The following COL4A6 variants were observed in gnomAD, a reference collection of about 807,000 sequenced individuals.
The protein encoded by COL4A6 is collagen alpha-6(IV) chain.
A neutral mutation model predicts 126.7 loss-of-function variants in COL4A6; 59 were observed. The observed-to-expected ratio is 0.47, with a 90% CI of 0.38 to 0.58. The LOEUF is 0.58. Among genes scored for constraint, COL4A6 ranks in the 20% least tolerant of loss-of-function variants. The pLI is 0.00. For missense variants in COL4A6, 1,285 were observed against 1,337.3 expected (o/e 0.96, Z 0.61); for synonymous variants, 547 against 496.6 (o/e 1.10, Z -1.35).
intron 3 of COL4A6, among the ~76,000 whole-genome samples, chrX:108,234,145 C>T (rs949930505): frequency 8.9e-6 from 1 of 111,855 alleles, no homozygotes; most frequent in African/African-American, 3.3e-5. Context: ...ATGACTCCAT[C>T]TAATGCTCAT....
intron 8 of COL4A6, among the ~76,000 whole-genome samples, chrX:108,208,834 G>A (rs1358512581): frequency 9.0e-6 from 1 of 111,362 alleles, no homozygotes; most frequent in East Asian, 2.8e-4. Flanking sequence ...ATAAATGATA[G>A]TCTGAACATT....
At chrX:108,277,526 C>T (rs2037645788) in intron 3 of COL4A6, among the ~76,000 whole-genome samples, 1 of 112,570 alleles carries the variant, frequency 8.9e-6, no homozygotes, top group Non-Finnish European at 1.9e-5. Flanking sequence ...CTCAAGGAGG[C>T]CTGCCTGCCT....
intron 44 of COL4A6, 85 bp from the exon 45 acceptor site, chrX:108,157,345 G>T: frequency 6.3e-6 from 7 of 1,116,231 alleles, no homozygotes; most frequent in Non-Finnish European, 8.4e-6. Context: ...TGCTACAGGG[G>T]CACATGAGCT....
chrX:108,338,754 G>T (rs1333441319), intron 2 of COL4A6, among the ~76,000 whole-genome samples: 2 of 112,036 alleles, frequency 1.8e-5, no homozygotes, highest in African/African-American at 6.5e-5. Context: ...AGCTTTGTTT[G>T]GTCTGGCCCT....
Position 108,179,427 on chromosome X carries a change from G to C in COL4A6, c.2143C>G (p.Pro715Ala). The C allele has an allele frequency of 8.3e-7, 1 of 1,201,391 alleles. No homozygotes were observed. The highest frequency in any genetic ancestry group is 1.8e-5 in the South Asian group (1 of 55,359). ...CCAGGCAAGCCCTTCTCCCCACGAGGTCCAGGAAATCCTAAACGTAAAAAG... is the reference window on the plus strand; with the variant it reads ...CCAGGCAAGCCCTTCTCCCCACGAGCTCCAGGAAATCCTAAACGTAAAAAG... ...HLPELPGFPG[P>A]RGEKGLPGFP... The change falls in exon 26 of 45, where the codon CCT becomes GCT. Residue 715 changes from proline to alanine, a missense_variant. Physicochemically the swap from Pro to Ala is conservative, Grantham distance 27. Coordinates refer to ENST00000334504, the MANE Select transcript of COL4A6 (RefSeq NM_033641.4).
chrX:108,329,414 C>G (rs1377080713), intron 2 of COL4A6, among the ~76,000 whole-genome samples: 1 of 111,529 alleles, frequency 9.0e-6, no homozygotes, highest in Non-Finnish European at 1.9e-5. Context: ...ATCATCCAAT[C>G]ACAATGTAGG....
chrX:108,383,991 G>C (rs1283495769), intron 2 of COL4A6: 52 of 931,148 alleles, frequency 5.6e-5, no homozygotes, highest in Non-Finnish European at 6.9e-5. Context: ...ATGGGACTGA[G>C]TATGTATTTT....
intron 2 of COL4A6, among the ~76,000 whole-genome samples, chrX:108,360,709 T>G (rs1238652114): frequency 1.8e-5 from 2 of 109,855 alleles, no homozygotes; most frequent in Non-Finnish European, 3.8e-5. Flanking sequence ...GCTTTTTTTT[T>G]GTATTTTTAG....
Position 108,165,242 on chromosome X carries a change from G to T in COL4A6, c.3808+128C>A, listed in dbSNP as rs961524119. 2.4e-5 allele frequency: 18 copies of T among 757,272 alleles called. No individual in the cohort carries two copies. In the African/African-American group the frequency reaches 3.5e-4, roughly 15 times the overall value. 62.4% of individuals were successfully genotyped at this position (757,272 alleles called of 1,213,427 possible). Reference sequence around the variant, plus strand: ...CAAGTCCCCTGTGTCCCCACTCGGGGAGGGATGTGAAGCCAAACACGCCCA... The same window carrying T: ...CAAGTCCCCTGTGTCCCCACTCGGGTAGGGATGTGAAGCCAAACACGCCCA... On this transcript the variant is annotated intron_variant, in intron 38 of 44. Transcript: ENST00000334504.
Position 108,195,106 on chromosome X carries a change from TC to T in COL4A6, c.923del (p.Gly308GlufsTer44), listed in dbSNP as rs1202276182. ...PGPRGPMGSE[G>X]VQGPPGQQGK... Reference sequence around the variant, plus strand: ...CCTGTTGCCCTGGAGGGCCTTGGACTCCTTCTGAACCCATGGGACCCTGTAA... The same window carrying T: ...CCTGTTGCCCTGGAGGGCCTTGGACTCTTCTGAACCCATGGGACCCTGTAA... On this transcript the variant is annotated frameshift_variant, in exon 15 of 45. Coordinates refer to ENST00000334504, the MANE Select transcript of COL4A6 (RefSeq NM_033641.4). LOFTEE classifies it high-confidence loss of function. The T allele has an allele frequency of 8.3e-7, 1 of 1,206,766 alleles. No individual in the cohort carries two copies. Among genetic ancestry groups the T allele is most frequent in the South Asian group, 1.8e-5 (1 of 56,051 alleles).
At chrX:108,353,812 T>A (rs2039895006) in intron 2 of COL4A6, among the ~76,000 whole-genome samples, 1 of 111,986 alleles carries the variant, frequency 8.9e-6, no homozygotes, top group South Asian at 3.8e-4. Context: ...GGCTTAAGGG[T>A]TTGATTTTAT....
chrX:108,177,085 T>A, intron 27 of COL4A6, 74 bp from the exon 28 acceptor site: 1 of 976,859 alleles, frequency 1.0e-6, no homozygotes, highest in East Asian at 3.1e-5. Flanking sequence ...ACTGCCTATA[T>A]CATAGCTTCT....
At chrX:108,380,538 A>G (rs2040539925) in intron 2 of COL4A6, among the ~76,000 whole-genome samples, 2 of 112,133 alleles carry the variant, frequency 1.8e-5, no homozygotes, top group South Asian at 7.5e-4. Context: ...AACCTGTGGT[A>G]TTGATTAACT....
intron 3 of COL4A6, among the ~76,000 whole-genome samples, chrX:108,282,812 C>T (rs1293067699): frequency 9.1e-6 from 1 of 109,298 alleles, no homozygotes; most frequent in African/African-American, 3.3e-5. Flanking sequence ...GAATACTATG[C>T]AGCCATAAAA....
At chrX:108,269,479 C>A (rs896193590) in intron 3 of COL4A6, among the ~76,000 whole-genome samples, 1 of 111,352 alleles carries the variant, frequency 9.0e-6, no homozygotes, top group African/African-American at 3.3e-5. Context: ...TCTTTTCAAG[C>A]TAGATTTGAG....
intron 18 of COL4A6, 57 bp downstream of exon 18, chrX:108,192,416 G>C (rs759254320): frequency 6.8e-6 from 6 of 881,283 alleles, no homozygotes; most frequent in Non-Finnish European, 8.2e-6. Context: ...AGGGAATGCT[G>C]GGAACCACAG....
At chrX:108,189,082 C>A (rs2034958216) in intron 20 of COL4A6, among the ~76,000 whole-genome samples, 1 of 112,369 alleles carries the variant, frequency 8.9e-6, no homozygotes, top group Non-Finnish European at 1.9e-5. Context: ...ATAGGGATTT[C>A]AGCAAAGCAC....
chrX:108,170,520 C>T lies in COL4A6; in HGVS notation c.3493+89G>A, dbSNP rs2034266183. 4 of 754,070 alleles carry T rather than the reference C, an allele frequency of 5.3e-6. No individual in the cohort carries two copies. In the East Asian group the frequency reaches 1.3e-4, roughly 24 times the overall value. 62.1% of individuals were successfully genotyped at this position (754,070 alleles called of 1,213,427 possible). On this transcript the variant is annotated intron_variant, in intron 35 of 44. Coordinates refer to ENST00000334504, the MANE Select transcript of COL4A6 (RefSeq NM_033641.4). ...AATGACTCCTGTAGGCATGGCTTAACCCTAGCTAGTATCTTCTAAGATAAA... is the reference window on the plus strand; with the variant it reads ...AATGACTCCTGTAGGCATGGCTTAATCCTAGCTAGTATCTTCTAAGATAAA...
At chrX:108,206,269 G>A (rs190248482) in intron 9 of COL4A6, 23 of 478,872 alleles carry the variant, frequency 4.8e-5, no homozygotes, top group African/African-American at 4.7e-4. Flanking sequence ...TGCCATCCCT[G>A]GGCTATACTT....
Sources: gnomAD v4.1 joint callset for allele counts (sites outside exome capture counted in the v4.1 genomes callset) on GRCh38, gnomAD v4.1.1 for gene constraint, MANE v1.5 for transcripts, NCBI Gene and HGNC (gene_info 2026-07-23, HGNC 2026-07-21) for gene names.